Variants in SIPA1L3 observed in about 807,000 individuals in gnomAD.
The protein encoded by SIPA1L3 is signal-induced proliferation-associated 1-like protein 3.
SIPA1L3 carries 59 observed loss-of-function variants against 150.1 expected under a neutral mutation model. The ratio of observed to expected loss-of-function variants is 0.39; its 90% CI spans 0.32 to 0.49. The LOEUF (loss-of-function observed/expected upper bound fraction) is 0.49, where lower values mean the gene tolerates loss of function less well. Ranked by LOEUF, SIPA1L3 falls within the 20% of genes least tolerant of loss-of-function variation. The pLI is 0.86. For missense variants in SIPA1L3, 2,211 were observed against 2,489.5 expected, an observed-to-expected ratio of 0.89 and a Z score of 2.38; for synonymous variants, 1,070 against 1,077.6, an observed-to-expected ratio of 0.99 and a Z score of 0.14.
At chr19:38,070,177 T>C (rs1298219069) in intron 2 of SIPA1L3, among the ~76,000 whole-genome samples, 1 of 148,658 alleles carries the variant, frequency 6.7e-6, no homozygotes, top group Non-Finnish European at 1.5e-5. Context: ...CTCCCAACTA[T>C]AGTGATCTTC....
chr19:38,018,355 G>T (rs186750185), intron 1 of SIPA1L3, among the ~76,000 whole-genome samples: 1 of 151,764 alleles, frequency 6.6e-6, no homozygotes, highest in Non-Finnish European at 1.5e-5. Context: ...GTAGAGACGG[G>T]GTTTCACCAT....
intron 1 of SIPA1L3, among the ~76,000 whole-genome samples, chr19:37,920,692 T>C (rs1276488815): frequency 6.6e-6 from 1 of 152,262 alleles, no homozygotes; most frequent in African/African-American, 2.4e-5. Flanking sequence ...TCCACTTATA[T>C]AATACAAATG....
In SIPA1L3 at chr19:38,130,792, A is replaced by G. The variant is rs755335964; in HGVS notation, c.3143+20A>G. 3.2e-6 allele frequency: 5 copies of G among 1,576,594 alleles called. No homozygotes were observed. Among genetic ancestry groups the G allele is most frequent in the African/African-American group, 1.3e-5 (1 of 74,342 alleles). On this transcript the variant is annotated intron_variant, in intron 10 of 21. Coordinates refer to ENST00000222345, the MANE Select transcript of SIPA1L3 (RefSeq NM_015073.3). ...CCGGAGGTAAGGGCCTCCACCTTTC[A>G]GCCAGGTGGTGGGTGGCAGCTCCCA...
intron 19 of SIPA1L3, 54 bp from the exon 20 acceptor site, chr19:38,201,808 C>G: frequency 6.5e-7 from 1 of 1,541,120 alleles, no homozygotes; most frequent in Admixed American, 2.0e-5. Context: ...CCGTCTGTTG[C>G]GGGAGAAGCC....
chr19:38,081,831 A>G lies in SIPA1L3; in HGVS notation c.266A>G (p.Lys89Arg), dbSNP rs1227187703. ...GCAAGGGTGGCCGACTGGCCGCCCA[A>G]GCGGGAGGCCCTGAGAGAGCACAGC... Reference protein sequence around the residue: ...VRARVADWPPKREALREHSNP... With the variant: ...VRARVADWPPRREALREHSNP... Residue 89 changes from lysine (K) to arginine (R), a missense_variant, in exon 3 of 22, where the codon AAG becomes AGG. This residue lies in a region of SIPA1L3 where 130 missense variants were observed against 174.5 expected (regional missense o/e 0.74). Transcript: ENST00000222345. 5 of 1,613,826 alleles carry G rather than the reference A, an allele frequency of 3.1e-6. No homozygotes were observed. The Admixed American group carries it at 6.7e-5, about 22-fold the overall frequency.
At chr19:38,070,702 G>A (rs550192374) in intron 2 of SIPA1L3, among the ~76,000 whole-genome samples, 1 of 152,328 alleles carries the variant, frequency 6.6e-6, no homozygotes, top group African/African-American at 2.4e-5. Context: ...GTGAGTGAAT[G>A]GATGAATGGA....
chr19:38,072,566 C>G (rs1383941038), intron 2 of SIPA1L3, among the ~76,000 whole-genome samples: 1 of 152,258 alleles, frequency 6.6e-6, no homozygotes, highest in East Asian at 1.9e-4. Flanking sequence ...CTCACATCTT[C>G]TCAGACTTAG....
intron 16 of SIPA1L3, chr19:38,185,225 C>T (rs1444204267): frequency 2.6e-5 from 4 of 152,292 alleles, no homozygotes; most frequent in Non-Finnish European, 4.4e-5. Context: ...AAACAGGTGC[C>T]ACCGTCTTAG....
chr19:38,184,871 C>G (rs1449814191), intron 16 of SIPA1L3: 3 of 152,280 alleles, frequency 2.0e-5, no homozygotes, highest in Non-Finnish European at 4.4e-5. Flanking sequence ...TGACTACACA[C>G]GTTTATACCA....
chr19:37,959,169 C>G (rs563194348), intron 1 of SIPA1L3, among the ~76,000 whole-genome samples: 3 of 152,308 alleles, frequency 2.0e-5, no homozygotes, highest in African/African-American at 7.2e-5. Context: ...CCAGCAATTC[C>G]ACTCCTAGGT....
chr19:38,066,000 T>C (rs866011053), intron 2 of SIPA1L3, among the ~76,000 whole-genome samples: 1 of 132,038 alleles, frequency 7.6e-6, no homozygotes, highest in Non-Finnish European at 1.7e-5. Context: ...ATTTATTTAT[T>C]TATTTATTTA....
rs759856556 is a variant in SIPA1L3, at chr19:37,938,624, CT to C, written c.-379+31283del. On this transcript the variant is annotated intron_variant, in intron 1 of 21. Coordinates refer to ENST00000222345, the MANE Select transcript of SIPA1L3 (RefSeq NM_015073.3). The stretch of plus-strand genomic sequence containing the variant: ...GCTTCTTTTTCTTTTTTTCTTTTTT[CT>C]TTTTTTTTTTTTTTTTAGGTGGAGT... Among the ~76,000 whole-genome samples, 1,235 of 131,208 alleles carry C rather than the reference CT, an allele frequency of 9.4e-3. 5 individuals carry two copies. The highest frequency in any genetic ancestry group is 0.015 in the Non-Finnish European group (901 of 60,750). 86.1% of individuals were successfully genotyped at this position (131,208 alleles called of 152,430 possible).
intron 15 of SIPA1L3, among the ~76,000 whole-genome samples, chr19:38,169,004 G>A (rs1972267180): frequency 6.6e-6 from 1 of 152,092 alleles, no homozygotes; most frequent in Admixed American, 6.6e-5. Flanking sequence ...GCTTTCATGA[G>A]TATTAGGAAA....
At chr19:38,198,770 A>G (rs538518561) in intron 19 of SIPA1L3, among the ~76,000 whole-genome samples, 6 of 152,346 alleles carry the variant, frequency 3.9e-5, no homozygotes, top group Non-Finnish European at 8.8e-5. Flanking sequence ...TGAGGCTGCC[A>G]TGACGATTAC....
At position 38,083,034 on chromosome 19, in the gene SIPA1L3, G is replaced by C; in HGVS notation, c.1469G>C (p.Arg490Pro). The C allele has an allele frequency of 6.2e-7, 1 of 1,613,132 alleles. No homozygotes were observed. Among genetic ancestry groups the C allele is most frequent in the Non-Finnish European group, 8.5e-7 (1 of 1,180,034 alleles). Residue 490 changes from arginine (R) to proline (P), a missense_variant, in exon 3 of 22, where the codon CGG (arginine) becomes CCG (proline). Physicochemically the swap from Arg to Pro is moderately radical, Grantham distance 103. Transcript: ENST00000222345. ...KEQQRTQSRP[R>P]QYSIEHVDLG... The stretch of plus-strand genomic sequence containing the variant: ...CAGCAGCGGACGCAGAGTCGGCCCC[G>C]GCAGTACAGCATCGAGCATGTGGAC...
At chr19:38,167,231 C>CAAAAAAAAAAAAAAAAAA (rs370193698) in intron 15 of SIPA1L3, among the ~76,000 whole-genome samples, 1 of 87,524 alleles carries the variant, frequency 1.1e-5, no homozygotes, top group Non-Finnish European at 2.3e-5. Flanking sequence ...GATTCCATCT[C>CAAAAAAAAAAAAAAAAAA]AAAAAAAAAA....
chr19:38,035,865 A>G (rs567634144), intron 2 of SIPA1L3, among the ~76,000 whole-genome samples: 1 of 152,244 alleles, frequency 6.6e-6, no homozygotes, highest in South Asian at 2.1e-4. Flanking sequence ...CTATAAGATA[A>G]TAAGCGTGAG....
intron 1 of SIPA1L3, among the ~76,000 whole-genome samples, chr19:37,940,722 G>A (rs2046646609): frequency 2.0e-5 from 3 of 151,952 alleles, no homozygotes; most frequent in Admixed American, 2.0e-4. Flanking sequence ...TGGGATTATA[G>A]GCATGTACCA....
At chr19:38,176,511 C>T (rs1972438387) in intron 15 of SIPA1L3, among the ~76,000 whole-genome samples, 1 of 152,056 alleles carries the variant, frequency 6.6e-6, no homozygotes, top group Non-Finnish European at 1.5e-5. Flanking sequence ...ATTCTCCCAC[C>T]TCAGCGTCCC....
Sources: allele counts gnomAD v4.1 joint callset (sites outside exome capture counted in the v4.1 genomes callset), GRCh38; gene constraint gnomAD v4.1.1; regional missense constraint gnomAD v4.1.1; transcripts MANE v1.5; gene names NCBI Gene and HGNC (gene_info 2026-07-23, HGNC 2026-07-21).